The following RBM19 variants were observed in gnomAD, a reference collection of about 807,000 sequenced individuals.
RBM19 encodes the protein probable RNA-binding protein 19.
RBM19 carries 94 observed loss-of-function variants against 116.8 expected under a neutral mutation model. The ratio of observed to expected loss-of-function variants is 0.80; its 90% CI spans 0.68 to 0.95. RBM19 has a LOEUF of 0.95. Ranked by LOEUF, RBM19 falls within the 40% of genes least tolerant of loss-of-function variation. RBM19 has a pLI of 0.00. For missense variants in RBM19, 1,161 were observed against 1,220.7 expected (o/e 0.95, Z 0.73); for synonymous variants, 475 against 494.1 (o/e 0.96, Z 0.51).
chr12:113,950,250 G>A, intron 8 of RBM19, 96 bp from the exon 9 acceptor site: 2 of 1,006,496 alleles, frequency 2.0e-6, no homozygotes, highest in Admixed American at 2.0e-5. Flanking sequence ...GGAGCAGAAA[G>A]TGAGGGAGAA....
chr12:113,927,025 C>G, intron 17 of RBM19, 29 bp downstream of exon 17: 1 of 1,600,716 alleles, frequency 6.2e-7, no homozygotes. Flanking sequence ...ATCCCACGCC[C>G]CTCCCTCCTG....
At chr12:113,879,890 GGCAGAGGGTGA>G (rs1274362683) in intron 21 of RBM19, among the ~76,000 whole-genome samples, 1 of 151,950 alleles carries the variant, frequency 6.6e-6, no homozygotes, top group East Asian at 1.9e-4. Context: ...CTGGTGGGCA[GGCAGAGGGTGA>G]GCAGAGAGGG....
intron 21 of RBM19, among the ~76,000 whole-genome samples, chr12:113,864,389 T>C (rs1194582338): frequency 1.3e-5 from 2 of 152,200 alleles, no homozygotes; most frequent in Non-Finnish European, 2.9e-5. Context: ...GACTATGGGA[T>C]AAAGCCACTT....
At chr12:113,892,873 T>A (rs1406034668) in intron 21 of RBM19, among the ~76,000 whole-genome samples, 1 of 152,144 alleles carries the variant, frequency 6.6e-6, no homozygotes, top group African/African-American at 2.4e-5. Context: ...GTGCAGGTAA[T>A]TTGCCAAATG....
At chr12:113,827,374 G>A (rs1874961354) in intron 23 of RBM19, among the ~76,000 whole-genome samples, 1 of 151,896 alleles carries the variant, frequency 6.6e-6, no homozygotes, top group Admixed American at 6.6e-5. Context: ...TGCATTTCTG[G>A]AGTTCCCACC....
chr12:113,957,426 A>G (rs1872039618), intron 6 of RBM19, among the ~76,000 whole-genome samples: 2 of 152,096 alleles, frequency 1.3e-5, no homozygotes, highest in Admixed American at 1.3e-4. Flanking sequence ...AAATACAAAA[A>G]ATTAGCTGGG....
chr12:113,869,690 T>C (rs924486051), intron 21 of RBM19, among the ~76,000 whole-genome samples: 2 of 151,806 alleles, frequency 1.3e-5, no homozygotes, highest in African/African-American at 4.8e-5. Context: ...ACACGAAATG[T>C]GAAAAGAGGA....
chr12:113,908,573 C>CAAAAAAAAAAAAA (rs11338829), intron 21 of RBM19, among the ~76,000 whole-genome samples: 4 of 33,222 alleles, frequency 1.2e-4, no homozygotes, highest in African/African-American at 2.7e-4. Context: ...AAGAAAATAG[C>CAAAAAAAAAAAAA]AAAAAAAAAA....
In RBM19 at chr12:113,901,849, GTTAACCTTGA is replaced by G. The variant is rs1282192252; in HGVS notation, c.2558+13110_2558+13119del. On this transcript the variant is annotated intron_variant, in intron 21 of 23. Transcript: ENST00000261741. ...CCTTCTTAAGCATCCTTAACAAACA[GTTAACCTTGA>G]CATCACTTGCTTACCGCTGATGATA... is the stretch of plus-strand genomic sequence containing the variant. Among the ~76,000 whole-genome samples, 13 of 152,202 alleles carry G rather than the reference GTTAACCTTGA, an allele frequency of 8.5e-5. No homozygotes were observed. The East Asian group carries it at 2.5e-3, about 29-fold the overall frequency.
At chr12:113,839,705 T>C (rs981238249) in intron 23 of RBM19, among the ~76,000 whole-genome samples, 8 of 152,224 alleles carry the variant, frequency 5.3e-5, no homozygotes, top group African/African-American at 1.9e-4. Flanking sequence ...ACTATGGCTT[T>C]TGTTACTTCC....
chr12:113,962,011 C>T (rs560011587), intron 2 of RBM19, among the ~76,000 whole-genome samples: 1 of 152,352 alleles, frequency 6.6e-6, no homozygotes, highest in African/African-American at 2.4e-5. Context: ...TGGGTCCTGA[C>T]TCCATGCACT....
At chr12:113,830,589 G>T (rs59962274) in intron 23 of RBM19, among the ~76,000 whole-genome samples, 1,101 of 72,962 alleles carry the variant, frequency 0.015, 82 homozygotes, top group African/African-American at 0.025. Context: ...GGGGGGGGGG[G>T]TGGGCTATGC....
At chr12:113,904,718 C>T (rs1247830573) in intron 21 of RBM19, among the ~76,000 whole-genome samples, 6 of 152,190 alleles carry the variant, frequency 3.9e-5, no homozygotes, top group Non-Finnish European at 7.3e-5. Context: ...GGTTGAGGCA[C>T]ACAACCTTGG....
downstream of RBM19, chr12:113,817,897 C>T (rs968084466): frequency 1.3e-5 from 2 of 152,164 alleles, no homozygotes; most frequent in African/African-American, 4.8e-5. Context: ...GAGTTCAAGA[C>T]CAGCCTGGCC....
intron 23 of RBM19, among the ~76,000 whole-genome samples, chr12:113,824,220 G>A (rs1268686045): frequency 2.6e-5 from 4 of 152,140 alleles, no homozygotes; most frequent in Non-Finnish European, 4.4e-5. Context: ...ACTGAGGCAC[G>A]GACAGGCAGG....
rs1284568385 is a variant in RBM19, at chr12:113,825,555, AAT to A, written c.2786-2236_2786-2235del. 6.6e-6 allele frequency among the ~76,000 whole-genome samples: 1 copy of A among 152,162 alleles called. No individual in the cohort carries two copies. Among genetic ancestry groups the A allele is most frequent in the Non-Finnish European group, 1.5e-5 (1 of 68,016 alleles). ...ATCACTGACGCCCCTCCCATCTGCT[AAT>A]ATGAGTTGGGGATGGCAGCTCACTC... On this transcript the variant is annotated intron_variant, in intron 23 of 23. Coordinates refer to ENST00000261741, the MANE Select transcript of RBM19 (RefSeq NM_016196.4). This position sits in a 1 kb window ranked among gnomAD's most constrained non-coding sequence, Gnocchi z 5.7.
intron 5 of RBM19, among the ~76,000 whole-genome samples, chr12:113,958,306 C>A (rs1872156895): frequency 6.6e-6 from 1 of 152,160 alleles, no homozygotes; most frequent in Non-Finnish European, 1.5e-5. Flanking sequence ...CTTCCTAGTC[C>A]TCTACACGGC....
chr12:113,872,239 C>T (rs1214408186), intron 21 of RBM19, among the ~76,000 whole-genome samples: 10 of 142,820 alleles, frequency 7.0e-5, no homozygotes, highest in South Asian at 2.4e-4. Context: ...AGGTGAGGAG[C>T]GTCTCTGCCT....
intron 21 of RBM19, among the ~76,000 whole-genome samples, chr12:113,886,036 A>T (rs571825993): frequency 4.4e-4 from 66 of 151,032 alleles, no homozygotes; most frequent in Admixed American, 3.0e-3. Flanking sequence ...TGCCCAGCTA[A>T]TTTTTTTTGT....
Sources: allele counts gnomAD v4.1 joint callset (sites outside exome capture counted in the v4.1 genomes callset), GRCh38; gene constraint gnomAD v4.1.1; non-coding constraint Gnocchi (gnomAD v3.1); transcripts MANE v1.5; gene names NCBI Gene and HGNC (gene_info 2026-07-23, HGNC 2026-07-21).